The following KIRREL3 variants were observed in gnomAD, a reference collection of about 807,000 sequenced individuals.
KIRREL3 encodes the protein kirre like nephrin family adhesion molecule 3.
KIRREL3 carries 36 observed loss-of-function variants against 89.7 expected under a neutral mutation model. The ratio of observed to expected loss-of-function variants is 0.40; its 90% CI spans 0.31 to 0.53. KIRREL3 has a LOEUF of 0.53. KIRREL3 is among the 20% of genes least tolerant of loss of function. The pLI is 0.49. For synonymous variants in KIRREL3, 445 were observed against 441.4 expected (o/e 1.01, Z -0.10); for missense variants, 864 against 1,056.6 (o/e 0.82, Z 2.53).
rs142120667 is a variant in KIRREL3 at position 126,519,889 on chromosome 11, C to A, written c.433+1426G>T. 1.6e-3 allele frequency among the ~76,000 whole-genome samples: 245 copies of A among 152,284 alleles called. 6 individuals carry two copies. The highest frequency in any genetic ancestry group is 0.013 in the Admixed American group (202 of 15,296). ...GAACGGCGCTGCTGCCTTTAATACCCCAATTACTCCTCGGAAGGCCCGCTT... is the reference window on the plus strand; with the variant it reads ...GAACGGCGCTGCTGCCTTTAATACCACAATTACTCCTCGGAAGGCCCGCTT... On this transcript the variant is annotated intron_variant, in intron 4 of 16. Coordinates refer to ENST00000525144, the MANE Select transcript of KIRREL3 (RefSeq NM_032531.4). The surrounding 1 kb of genome is among the most constrained non-coding windows in gnomAD (Gnocchi z 4.3).
chr11:126,718,806 C>T (rs1475192184), intron 1 of KIRREL3, among the ~76,000 whole-genome samples: 1 of 152,136 alleles, frequency 6.6e-6, no homozygotes, highest in Non-Finnish European at 1.5e-5. Flanking sequence ...ATTAGGGTCA[C>T]ACCACCCCGG....
At chr11:126,840,001 T>A (rs1446823065) in intron 1 of KIRREL3, among the ~76,000 whole-genome samples, 1 of 152,126 alleles carries the variant, frequency 6.6e-6, no homozygotes, top group Non-Finnish European at 1.5e-5. Flanking sequence ...TAGAGAAACA[T>A]AATCGACTTC....
At position 126,837,271 on chromosome 11, in the gene KIRREL3, A is replaced by T. The variant is rs1372861302; in HGVS notation, c.55+163184T>A. Among the ~76,000 whole-genome samples, 2 of 152,222 alleles carry T rather than the reference A, an allele frequency of 1.3e-5. No homozygotes were observed. Among genetic ancestry groups the T allele is most frequent in the Non-Finnish European group, 2.9e-5 (2 of 68,044 alleles). ...CCTGAGGGAGACAATACATGTAAGAACACTTGCTCTGTGTCTGACAGCTAG... is the reference window on the plus strand; with the variant it reads ...CCTGAGGGAGACAATACATGTAAGATCACTTGCTCTGTGTCTGACAGCTAG... On this transcript the variant is annotated intron_variant, in intron 1 of 16. Transcript: ENST00000525144. This position sits in a 1 kb window ranked among gnomAD's most constrained non-coding sequence, Gnocchi z 4.7.
chr11:126,431,084 G>T lies in KIRREL3; in HGVS notation c.1696+335C>A, dbSNP rs1306162242. The stretch of plus-strand genomic sequence containing the variant: ...GGGTCTCTCTAGACTAACAGCTCTT[G>T]TAGAGCAAGGATCAAACCACAAACC... On this transcript the variant is annotated intron_variant, in intron 14 of 16. Coordinates refer to ENST00000525144, the MANE Select transcript of KIRREL3 (RefSeq NM_032531.4). The surrounding 1 kb of genome is among the most constrained non-coding windows in gnomAD (Gnocchi z 7.1). 8.0e-6 allele frequency: 11 copies of T among 1,382,938 alleles called. No individual in the cohort carries two copies. Among genetic ancestry groups the T allele is most frequent in the Non-Finnish European group, 1.0e-5 (11 of 1,070,800 alleles). The allele number at this position is 1,382,938 out of a possible 1,614,324, so 85.7% of individuals were successfully genotyped here. A position where few individuals can be genotyped will look rare whatever the true frequency, so the allele number is the denominator to read the frequency against.
At position 126,441,335 on chromosome 11, in the gene KIRREL3, A is replaced by C. The variant is rs1955555132; in HGVS notation, c.1253-786T>G. Among the ~76,000 whole-genome samples, 1 of 152,232 alleles carries C rather than the reference A, an allele frequency of 6.6e-6. No individual in the cohort carries two copies. The highest frequency in any genetic ancestry group is 2.4e-5 in the African/African-American group (1 of 41,464). ...GTCTCATTCACCACATTGCACAGCC[A>C]AGAGAGTTCACCTGGTGGAGGGGAG... On this transcript the variant is annotated intron_variant, in intron 10 of 16. Coordinates refer to ENST00000525144, the MANE Select transcript of KIRREL3 (RefSeq NM_032531.4). The surrounding 1 kb of genome is among the most constrained non-coding windows in gnomAD (Gnocchi z 5.0).
intron 1 of KIRREL3, among the ~76,000 whole-genome samples, chr11:126,842,797 C>T (rs1404888762): frequency 6.6e-6 from 1 of 152,174 alleles, no homozygotes; most frequent in Non-Finnish European, 1.5e-5. Context: ...TGCCACCTGC[C>T]AAATGGCCAA....
At position 126,627,261 on chromosome 11, in the gene KIRREL3, T is replaced by C. The variant is rs1283175983; in HGVS notation, c.56-64349A>G. ...GGGACCTATTTGGGAGAGGTGGCTG[T>C]AGGATGCTGAGGATTCCTGGGGGAG... On this transcript the variant is annotated intron_variant, in intron 1 of 16. Coordinates refer to ENST00000525144, the MANE Select transcript of KIRREL3 (RefSeq NM_032531.4). This position sits in a 1 kb window ranked among gnomAD's most constrained non-coding sequence, Gnocchi z 5.0. Among the ~76,000 whole-genome samples the C allele has an allele frequency of 2.6e-5, 4 of 152,172 alleles. No homozygotes were observed. The highest frequency in any genetic ancestry group is 5.9e-5 in the Non-Finnish European group (4 of 68,026).
rs1007920537 is a variant in KIRREL3, at chr11:126,575,429, G to C, written c.56-12517C>G. Reference sequence around the variant, plus strand: ...GTCTTGGGCTGCAATAAGGACTGGAGATAATGTATGTACAATACTGGGAGG... The same window carrying C: ...GTCTTGGGCTGCAATAAGGACTGGACATAATGTATGTACAATACTGGGAGG... On this transcript the variant is annotated intron_variant, in intron 1 of 16. Coordinates refer to ENST00000525144, the MANE Select transcript of KIRREL3 (RefSeq NM_032531.4). The surrounding 1 kb of genome is among the most constrained non-coding windows in gnomAD (Gnocchi z 7.0). Among the ~76,000 whole-genome samples the C allele has an allele frequency of 3.3e-5, 5 of 152,166 alleles. No homozygotes were observed. Among genetic ancestry groups the C allele is most frequent in the Middle Eastern group, 3.2e-3 (1 of 316 alleles).
intron 1 of KIRREL3, chr11:126,936,555 C>CAAAAAAA (rs59632103): frequency 3.1e-5 from 3 of 97,828 alleles, no homozygotes; most frequent in Admixed American, 1.1e-4. Context: ...TGCTATTCAG[C>CAAAAAAA]AAAAAAAAAA....
rs148113513 is a variant in KIRREL3, at chr11:126,619,663, A to T, written c.56-56751T>A. On this transcript the variant is annotated intron_variant, in intron 1 of 16. Transcript: ENST00000525144. ...GCGGATTTGTAGTTAGGCATTGGCCAGGGTGCACTGGTGCACTTTGACCCA... is the reference window on the plus strand; with the variant it reads ...GCGGATTTGTAGTTAGGCATTGGCCTGGGTGCACTGGTGCACTTTGACCCA... Among the ~76,000 whole-genome samples the T allele has an allele frequency of 5.2e-4, 79 of 152,384 alleles. 2 individuals carry two copies. The highest frequency in any genetic ancestry group is 1.9e-3 in the African/African-American group (79 of 41,594).
intron 1 of KIRREL3, among the ~76,000 whole-genome samples, chr11:126,950,140 G>A (rs1274443554): frequency 1.3e-5 from 2 of 152,318 alleles, no homozygotes; most frequent in Non-Finnish European, 2.9e-5. Context: ...TTGGGAGGCC[G>A]AGGCAGGTGG....
intron 4 of KIRREL3, among the ~76,000 whole-genome samples, chr11:126,514,869 A>C (rs6590218): frequency 0.096 from 7,350 of 76,492 alleles, 274 homozygotes; most frequent in African/African-American, 0.22. Flanking sequence ...CAACACAACA[A>C]AACACAATTG....
At position 126,568,637 on chromosome 11, in the gene KIRREL3, C is replaced by T. The variant is rs1274612651; in HGVS notation, c.56-5725G>A. ...GGCTGGAGCCATGCTCCAGCACTTA[C>T]CAGTGAGCAACTCTTAGGCTTCTCT... is the stretch of plus-strand genomic sequence containing the variant. On this transcript the variant is annotated intron_variant, in intron 1 of 16. Coordinates refer to ENST00000525144, the MANE Select transcript of KIRREL3 (RefSeq NM_032531.4). The surrounding 1 kb of genome is among the most constrained non-coding windows in gnomAD (Gnocchi z 4.6). 6.6e-6 allele frequency among the ~76,000 whole-genome samples: 1 copy of T among 152,164 alleles called. No individual in the cohort carries two copies. Among genetic ancestry groups the T allele is most frequent in the African/African-American group, 2.4e-5 (1 of 41,452 alleles).
In KIRREL3 at chr11:126,546,524, G is replaced by A. The variant is rs143921143; in HGVS notation, c.133+16311C>T. 1.9e-3 allele frequency among the ~76,000 whole-genome samples: 290 copies of A among 152,270 alleles called. 1 individual carries two copies. The highest frequency in any genetic ancestry group is 2.4e-3 in the Non-Finnish European group (162 of 68,008). ...GCACAACCTGGGGGCAGAAGCAAGC[G>A]GGCCGCTTTCTGTCCATTTCATCTT... is the stretch of plus-strand genomic sequence containing the variant. On this transcript the variant is annotated intron_variant, in intron 2 of 16. Coordinates refer to ENST00000525144, the MANE Select transcript of KIRREL3 (RefSeq NM_032531.4).
At chr11:126,464,690 C>G (rs1440133862) in intron 5 of KIRREL3, among the ~76,000 whole-genome samples, 1 of 152,162 alleles carries the variant, frequency 6.6e-6, no homozygotes, top group Non-Finnish European at 1.5e-5. Context: ...GATGCTGCCA[C>G]AAGCCAAGGA....
intron 1 of KIRREL3, among the ~76,000 whole-genome samples, chr11:126,762,177 A>AAAT: frequency 6.6e-6 from 1 of 152,010 alleles, no homozygotes; most frequent in African/African-American, 2.4e-5. Context: ...TGTCATAAAT[A>AAAT]AATAAATAAA....
At chr11:126,517,910 C>G (rs542399559) in intron 4 of KIRREL3, among the ~76,000 whole-genome samples, 175 of 152,312 alleles carry the variant, frequency 1.1e-3, no homozygotes, top group Non-Finnish European at 1.3e-3. Context: ...GTTTCCGTGA[C>G]GCTGTGATTC....
rs911063198 is a variant in KIRREL3 at position 126,844,656 on chromosome 11, A to G, written c.55+155799T>C. ...TAGAGTCCTTCCTAAGATTTAGGGA[A>G]TTAGAGGCCTCTCTTGGTAAAGTCT... On this transcript the variant is annotated intron_variant, in intron 1 of 16. Coordinates refer to ENST00000525144, the MANE Select transcript of KIRREL3 (RefSeq NM_032531.4). The surrounding 1 kb of genome is among the most constrained non-coding windows in gnomAD (Gnocchi z 4.8). Among the ~76,000 whole-genome samples the G allele has an allele frequency of 3.9e-5, 6 of 152,172 alleles. No individual in the cohort carries two copies. Among genetic ancestry groups the G allele is most frequent in the Non-Finnish European group, 8.8e-5 (6 of 68,026 alleles).
In KIRREL3 at chr11:126,430,516, T is replaced by C. The variant is rs1386227256; in HGVS notation, c.1696+903A>G. ...TTGTATGCTTCCCTATAATTTCCAC[T>C]GAGACGGTGGTGATGGAGGTCCTGA... On this transcript the variant is annotated intron_variant, in intron 14 of 16. Transcript: ENST00000525144. This position sits in a 1 kb window ranked among gnomAD's most constrained non-coding sequence, Gnocchi z 6.6. 6.6e-6 allele frequency among the ~76,000 whole-genome samples: 1 copy of C among 152,152 alleles called. No homozygotes were observed. The highest frequency in any genetic ancestry group is 1.5e-5 in the Non-Finnish European group (1 of 68,032).
Sources: allele counts gnomAD v4.1 joint callset (sites outside exome capture counted in the v4.1 genomes callset), GRCh38; gene constraint gnomAD v4.1.1; non-coding constraint Gnocchi (gnomAD v3.1); transcripts MANE v1.5; gene names NCBI Gene and HGNC (gene_info 2026-07-23, HGNC 2026-07-21).